The following MARCHF1 variants were observed in gnomAD, a reference collection of about 807,000 sequenced individuals.
The protein encoded by MARCHF1 is membrane associated ring-CH-type finger 1, also known as E3 ubiquitin-protein ligase MARCHF1.
MARCHF1 carries 40 observed loss-of-function variants against 54.2 expected under a neutral mutation model. That is an observed-to-expected ratio of 0.74 (90% CI 0.57 to 0.96). The LOEUF (loss-of-function observed/expected upper bound fraction) is 0.96, where lower values mean the gene tolerates loss of function less well. Among genes scored for constraint, MARCHF1 ranks in the 40% least tolerant of loss-of-function variants. The pLI is 0.00. For missense variants in MARCHF1, 586 were observed against 656.5 expected (o/e 0.89, Z 1.17); for synonymous variants, 236 against 236.3 (o/e 1.00, Z 0.01).
chr4:164,135,579 A>T (rs1388691208), intron 1 of MARCHF1: 1 of 152,136 alleles, frequency 6.6e-6, no homozygotes, highest in Non-Finnish European at 1.5e-5. Context: ...TCTCGTGAGA[A>T]CTCACTCACT....
rs1313596646 is a variant in MARCHF1 at position 163,527,503 on chromosome 4, C to T, written c.*1245G>A. The T allele has an allele frequency of 1.5e-5, 2 of 136,642 alleles. No homozygotes were observed. The highest frequency in any genetic ancestry group is 5.0e-5 in the African/African-American group (2 of 39,720). The allele number at this position is 136,642 out of a possible 1,614,324, so 8.5% of individuals were successfully genotyped here. On this transcript the variant is annotated 3_prime_UTR_variant, in exon 10 of 10. Transcript: ENST00000514618. ...TAGTAACAATTTATTTATTTCACAA[C>T]TCTGCTATAGGCAGATTGATTGTTT...
At chr4:164,109,587 T>C (rs1341207759) in intron 2 of MARCHF1, among the ~76,000 whole-genome samples, 1 of 151,906 alleles carries the variant, frequency 6.6e-6, no homozygotes, top group Non-Finnish European at 1.5e-5. Context: ...ATAATTTTTA[T>C]TTCTCCTTGC....
At chr4:164,172,261 CT>C in intron 1 of MARCHF1, among the ~76,000 whole-genome samples, 1 of 152,154 alleles carries the variant, frequency 6.6e-6, no homozygotes. Context: ...AAATTAAATT[CT>C]TGTTTATGAG....
intron 4 of MARCHF1, among the ~76,000 whole-genome samples, chr4:163,720,161 G>A (rs1306669477): frequency 2.6e-5 from 4 of 152,154 alleles, no homozygotes; most frequent in African/African-American, 4.8e-5. Context: ...ATGGTTTTAG[G>A]TCTAACATTT....
chr4:163,576,050 G>A (rs947199629), intron 8 of MARCHF1, among the ~76,000 whole-genome samples: 1 of 151,650 alleles, frequency 6.6e-6, no homozygotes, highest in East Asian at 1.9e-4. Flanking sequence ...ATTTAGGTCT[G>A]CTCTAATTTT....
rs1031419133 is a variant in MARCHF1 at position 163,613,048 on chromosome 4, G to A, written c.243-10C>T. 1 of 1,465,794 alleles carries A rather than the reference G, an allele frequency of 6.8e-7. No homozygotes were observed. The highest frequency in any genetic ancestry group is 8.9e-7 in the Non-Finnish European group (1 of 1,118,978). The allele number at this position is 1,465,794 out of a possible 1,614,324, so 90.8% of individuals were successfully genotyped here. On this transcript the variant is annotated splice_polypyrimidine_tract_variant and intron_variant, in intron 6 of 9. Transcript: ENST00000514618. ...ATGCAAGATGGCAGATCTAGACAGA[G>A]CAGCAGGCAAAGGATGGGAAATGGG... is the stretch of plus-strand genomic sequence containing the variant.
intron 4 of MARCHF1, among the ~76,000 whole-genome samples, chr4:163,733,346 T>G (rs1745936674): frequency 7.4e-6 from 1 of 135,464 alleles, no homozygotes; most frequent in Non-Finnish European, 1.6e-5. Flanking sequence ...AGGAAAATAA[T>G]GCGAGATGGA....
At chr4:163,860,162 G>C (rs1749884571) in intron 3 of MARCHF1, among the ~76,000 whole-genome samples, 1 of 152,128 alleles carries the variant, frequency 6.6e-6, no homozygotes, top group Admixed American at 6.6e-5. Flanking sequence ...AGAGAATTAT[G>C]GTCGATTTCA....
intron 1 of MARCHF1, among the ~76,000 whole-genome samples, chr4:164,148,357 A>G (rs888768434): frequency 6.6e-6 from 1 of 152,168 alleles, no homozygotes. Flanking sequence ...CTTGAAGAAA[A>G]TGTCATACCC....
intron 3 of MARCHF1, among the ~76,000 whole-genome samples, chr4:163,871,564 T>C (rs1750169476): frequency 6.6e-6 from 1 of 152,140 alleles, no homozygotes; most frequent in Non-Finnish European, 1.5e-5. Context: ...AAGTGAAAGG[T>C]AGAATATAAG....
chr4:163,788,688 A>G (rs1747688331), intron 4 of MARCHF1, among the ~76,000 whole-genome samples: 1 of 152,034 alleles, frequency 6.6e-6, no homozygotes, highest in Admixed American at 6.6e-5. Context: ...ATCAGGAGGT[A>G]CATGCTATCA....
chr4:164,300,302 T>C (rs181227587), intron 1 of MARCHF1, among the ~76,000 whole-genome samples: 3 of 152,186 alleles, frequency 2.0e-5, no homozygotes, highest in East Asian at 1.9e-4. Flanking sequence ...CTAGAGCCGA[T>C]TGGTATATAC....
At position 163,760,507 on chromosome 4, in the gene MARCHF1, C is replaced by T. The variant is rs144984867; in HGVS notation, c.112-59644G>A. Among the ~76,000 whole-genome samples, 666 of 152,226 alleles carry T rather than the reference C, an allele frequency of 4.4e-3. 2 individuals carry two copies. The highest frequency in any genetic ancestry group is 5.2e-3 in the Non-Finnish European group (353 of 68,012). ...TAGAGAGTGATGCCTTTGCTTTCTT[C>T]TTGAAGTAATTGAAAGAGTTTTCCC... On this transcript the variant is annotated intron_variant, in intron 4 of 9. Coordinates refer to ENST00000514618, the MANE Select transcript of MARCHF1 (RefSeq NM_001394959.1).
chr4:164,231,934 A>T (rs1274769582), intron 1 of MARCHF1, among the ~76,000 whole-genome samples: 1 of 152,114 alleles, frequency 6.6e-6, no homozygotes, highest in Non-Finnish European at 1.5e-5. Flanking sequence ...AAAATGATTG[A>T]ATTACCCCTA....
intron 4 of MARCHF1, among the ~76,000 whole-genome samples, chr4:163,720,568 G>A (rs1254646919): frequency 1.3e-5 from 2 of 152,170 alleles, no homozygotes; most frequent in Non-Finnish European, 2.9e-5. Context: ...TGTGAAAAAA[G>A]TCATTGGTAG....
intron 4 of MARCHF1, among the ~76,000 whole-genome samples, chr4:163,811,239 A>C (rs536140224): frequency 6.6e-6 from 1 of 151,636 alleles, no homozygotes; most frequent in African/African-American, 2.4e-5. Context: ...AGACTGTTTT[A>C]AGATTTTTAG....
At chr4:164,337,783 C>T (rs1342786452) in intron 1 of MARCHF1, among the ~76,000 whole-genome samples, 18 of 152,146 alleles carry the variant, frequency 1.2e-4, no homozygotes, top group Admixed American at 1.2e-3. Flanking sequence ...TCTGTGGAAT[C>T]AGGAGAAGGC....
intron 4 of MARCHF1, among the ~76,000 whole-genome samples, chr4:163,717,921 C>G (rs1166392108): frequency 6.6e-6 from 1 of 152,070 alleles, no homozygotes; most frequent in Non-Finnish European, 1.5e-5. Flanking sequence ...GCTGCAGTAA[C>G]CAAAACAGCA....
chr4:163,648,844 T>A (rs1351146679), intron 5 of MARCHF1, among the ~76,000 whole-genome samples: 1 of 151,714 alleles, frequency 6.6e-6, no homozygotes, highest in Non-Finnish European at 1.5e-5. Context: ...AAACGCACAA[T>A]GACAACAATT....
Sources: allele counts gnomAD v4.1 joint callset (sites outside exome capture counted in the v4.1 genomes callset), GRCh38; gene constraint gnomAD v4.1.1; transcripts MANE v1.5; gene names NCBI Gene and HGNC (gene_info 2026-07-23, HGNC 2026-07-21).